TRHDE: variants seen among roughly 807,000 people sequenced by gnomAD.
The protein encoded by TRHDE is thyrotropin-releasing hormone-degrading ectoenzyme.
Under a neutral mutation model 125.7 loss-of-function variants are expected in TRHDE, and 72 were observed. That is an observed-to-expected ratio of 0.57 (90% confidence interval 0.47 to 0.70). TRHDE has a LOEUF of 0.70. Ranked by LOEUF, TRHDE falls within the 30% of genes least tolerant of loss-of-function variation. The pLI is 0.00. For missense variants in TRHDE, 1,110 were observed against 1,327.1 expected, an observed-to-expected ratio of 0.84 and a Z score of 2.54; for synonymous variants, 509 against 509.1, an observed-to-expected ratio of 1.00 and a Z score of 0.00.
At chr12:72,206,657 G>T (rs1433383935) in intron 2 of TRHDE, among the ~76,000 whole-genome samples, 1 of 151,968 alleles carries the variant, frequency 6.6e-6, no homozygotes, top group Non-Finnish European at 1.5e-5. Context: ...TATGGACTGT[G>T]TTTCATTATT....
At chr12:72,449,878 C>T (rs1616143) in intron 3 of TRHDE, among the ~76,000 whole-genome samples, 19,571 of 151,930 alleles carry the variant, frequency 0.13, 1,753 homozygotes, top group East Asian at 0.48. Flanking sequence ...TTTTTCTCCA[C>T]TTATTTTCCC....
At chr12:72,138,595 G>A (rs1876042717) in intron 2 of TRHDE, among the ~76,000 whole-genome samples, 1 of 152,178 alleles carries the variant, frequency 6.6e-6, no homozygotes. Flanking sequence ...TCATGGAAAG[G>A]ATCAGTTCCA....
At chr12:72,567,693 G>C (rs1413739388) in intron 9 of TRHDE, among the ~76,000 whole-genome samples, 1 of 151,858 alleles carries the variant, frequency 6.6e-6, no homozygotes, top group Non-Finnish European at 1.5e-5. Context: ...TTCCATACTG[G>C]AATTGTTGGC....
intron 12 of TRHDE, among the ~76,000 whole-genome samples, chr12:72,604,907 A>T (rs1872369479): frequency 6.6e-6 from 1 of 152,106 alleles, no homozygotes; most frequent in South Asian, 2.1e-4. Context: ...GTTAATCATC[A>T]TTAAGGAGTT....
chr12:72,236,925 T>C (rs769553155), intron 2 of TRHDE, among the ~76,000 whole-genome samples: 3 of 152,240 alleles, frequency 2.0e-5, no homozygotes, highest in Non-Finnish European at 4.4e-5. Context: ...AATCTTGCAA[T>C]GCTGTCAAAG....
At chr12:72,496,702 A>G (rs1877934300) in intron 5 of TRHDE, among the ~76,000 whole-genome samples, 1 of 152,084 alleles carries the variant, frequency 6.6e-6, no homozygotes, top group South Asian at 2.1e-4. Context: ...ACTATGGCCA[A>G]ATATTCTGTT....
At chr12:72,410,221 ATT>A (rs1379541199) in intron 3 of TRHDE, among the ~76,000 whole-genome samples, 15 of 151,982 alleles carry the variant, frequency 9.9e-5, no homozygotes, top group African/African-American at 2.9e-4. Flanking sequence ...ATATATATAT[ATT>A]AATAGTATTT....
intron 5 of TRHDE, among the ~76,000 whole-genome samples, chr12:72,483,174 C>T (rs925447101): frequency 1.3e-5 from 2 of 151,716 alleles, no homozygotes; most frequent in Non-Finnish European, 2.9e-5. Context: ...ATGGGAGACA[C>T]TCAAATAAGT....
intron 2 of TRHDE, among the ~76,000 whole-genome samples, chr12:72,234,460 C>T (rs1270185312): frequency 6.6e-6 from 1 of 152,044 alleles, no homozygotes; most frequent in Non-Finnish European, 1.5e-5. Context: ...ACATTTCTTA[C>T]CTTTTAAATT....
chr12:72,224,138 CTATTTATCTATGTATGTATGTATG>C (rs1317869410), intron 2 of TRHDE, among the ~76,000 whole-genome samples: 5,379 of 52,542 alleles, frequency 0.1, 170 homozygotes, highest in Admixed American at 0.11. Context: ...ATCTATCTAT[CTATTTATCTATGTATGTATGTATG>C]TATGTATCTA....
chr12:72,110,431 T>C (rs530192199), intron 2 of TRHDE, among the ~76,000 whole-genome samples: 1 of 152,046 alleles, frequency 6.6e-6, no homozygotes, highest in African/African-American at 2.4e-5. Flanking sequence ...CTTTTTTTTT[T>C]AATTGCCCCA....
Position 72,187,527 on chromosome 12 carries a change from AGGAGGAGGATGG to A in TRHDE, n.279+81778_279+81789del, listed in dbSNP as rs1356735330. Among the ~76,000 whole-genome samples the A allele has an allele frequency of 2.0e-5, 3 of 149,722 alleles. No homozygotes were observed. In the East Asian group the frequency reaches 5.9e-4, roughly 30 times the overall value. On this transcript the variant is annotated intron_variant and non_coding_transcript_variant, in intron 2 of 4. Coordinates refer to the TRHDE transcript ENST00000548156. ...GTGGTGGAGGAGGAGGAGGAGGAGG[AGGAGGAGGATGG>A]GGCATGATGTATCAGTCCCAGTTCA... is the stretch of plus-strand genomic sequence containing the variant.
intron 2 of TRHDE, among the ~76,000 whole-genome samples, chr12:72,324,798 G>A (rs1184410430): frequency 6.6e-6 from 1 of 152,038 alleles, no homozygotes; most frequent in Non-Finnish European, 1.5e-5. Flanking sequence ...CTAGATTTCT[G>A]TATCAGAAGG....
At chr12:72,364,250 T>C (rs1871249963) in intron 2 of TRHDE, among the ~76,000 whole-genome samples, 1 of 152,050 alleles carries the variant, frequency 6.6e-6, no homozygotes, top group Non-Finnish European at 1.5e-5. Context: ...ACTGATACAA[T>C]GAAGATTTTA....
intron 2 of TRHDE, among the ~76,000 whole-genome samples, chr12:72,345,117 G>A (rs184994817): frequency 3.3e-5 from 5 of 152,158 alleles, no homozygotes; most frequent in Admixed American, 3.3e-4. Context: ...CAACTATTAC[G>A]CTAAATTGTG....
chr12:72,154,741 T>C (rs1188914697), intron 2 of TRHDE, among the ~76,000 whole-genome samples: 1 of 152,256 alleles, frequency 6.6e-6, no homozygotes, highest in African/African-American at 2.4e-5. Flanking sequence ...TTCTGGCTTG[T>C]AGAGTTTCTT....
intron 3 of TRHDE, among the ~76,000 whole-genome samples, chr12:72,441,784 A>G (rs908388212): frequency 3.9e-5 from 6 of 151,902 alleles, no homozygotes; most frequent in African/African-American, 1.4e-4. Flanking sequence ...TAAACAAGAT[A>G]ATAAAGCAAA....
intron 2 of TRHDE, among the ~76,000 whole-genome samples, chr12:72,361,678 C>T (rs1192080734): frequency 6.7e-6 from 1 of 149,694 alleles, no homozygotes; most frequent in East Asian, 2.0e-4. Flanking sequence ...CGTCATTTAG[C>T]ATTAGGTGTA....
At chr12:72,280,398 G>A (rs1394871494) in intron 1 of TRHDE, among the ~76,000 whole-genome samples, 3 of 152,164 alleles carry the variant, frequency 2.0e-5, no homozygotes, top group East Asian at 1.9e-4. Context: ...TAGGACCAAC[G>A]TTCTTGCTTT....
Sources: allele counts gnomAD v4.1 joint callset (sites outside exome capture counted in the v4.1 genomes callset), GRCh38; gene constraint gnomAD v4.1.1; transcripts MANE v1.5; gene names NCBI Gene and HGNC (gene_info 2026-07-23, HGNC 2026-07-21).